ITSN1: variants seen among roughly 807,000 people sequenced by gnomAD.
The protein encoded by ITSN1 is intersectin-1.
In ITSN1, 58 loss-of-function variants were observed where a neutral mutation model predicts 239.8. The ratio of observed to expected loss-of-function variants is 0.24; its 90% CI spans 0.20 to 0.30. The LOEUF is 0.30. Ranked by LOEUF, ITSN1 falls within the 10% of genes least tolerant of loss-of-function variation. The pLI is 1.00. For missense variants in ITSN1, 1,558 were observed against 2,103.3 expected (o/e 0.74, Z 5.07); for synonymous variants, 780 against 770.8 (o/e 1.01, Z -0.20).
At chr21:33,802,550 G>T in intron 20 of ITSN1, 106 bp downstream of exon 20, 1 of 1,182,824 alleles carries the variant, frequency 8.5e-7, no homozygotes, top group Non-Finnish European at 1.2e-6. Context: ...TGTTGTTGCG[G>T]CAGTAAAAAT....
Position 33,882,556 on chromosome 21 carries a change from G to T in ITSN1, c.4554+101G>T. 1.0e-6 allele frequency: 1 copy of T among 968,710 alleles called. No homozygotes were observed. Among genetic ancestry groups the T allele is most frequent in the Non-Finnish European group, 1.5e-6 (1 of 651,310 alleles). 60.0% of individuals were successfully genotyped at this position (968,710 alleles called of 1,614,324 possible). Reference sequence around the variant, plus strand: ...AGTTTTAGCAGGGTCAGGGGCTGTGGCATGCAGGAGAAGGCCAGGAGTTGA... The same window carrying T: ...AGTTTTAGCAGGGTCAGGGGCTGTGTCATGCAGGAGAAGGCCAGGAGTTGA... On this transcript the variant is annotated intron_variant, in intron 35 of 39. Transcript: ENST00000381318. The surrounding 1 kb of genome is among the most constrained non-coding windows in gnomAD (Gnocchi z 4.5).
chr21:33,676,082 T>A (rs1187361583), intron 1 of ITSN1, among the ~76,000 whole-genome samples: 1 of 151,974 alleles, frequency 6.6e-6, no homozygotes, highest in Non-Finnish European at 1.5e-5. Flanking sequence ...TTGCCCAGGC[T>A]GGAGTGCAGT....
At chr21:33,811,359 T>C in intron 21 of ITSN1, 137 bp downstream of exon 21, 1 of 747,988 alleles carries the variant, frequency 1.3e-6, no homozygotes, top group Non-Finnish European at 2.1e-6. Flanking sequence ...TACTCCTTTC[T>C]CTAGCTGGCG....
chr21:33,847,823 C>T (rs780451553), intron 29 of ITSN1, among the ~76,000 whole-genome samples: 15 of 152,182 alleles, frequency 9.9e-5, no homozygotes, highest in African/African-American at 1.7e-4. Flanking sequence ...ACCCGCTTTT[C>T]GCGCCAGGTG....
At chr21:33,701,069 T>G (rs2091990024) in intron 1 of ITSN1, among the ~76,000 whole-genome samples, 1 of 150,598 alleles carries the variant, frequency 6.6e-6, no homozygotes, top group Admixed American at 6.6e-5. Flanking sequence ...ATGCCACCAA[T>G]CCATGTTGCT....
At chr21:33,782,649 T>C (rs2070292580) in intron 16 of ITSN1, among the ~76,000 whole-genome samples, 1 of 152,230 alleles carries the variant, frequency 6.6e-6, no homozygotes, top group Non-Finnish European at 1.5e-5. Flanking sequence ...GCCAAAACTC[T>C]GAGGAAATGT....
intron 16 of ITSN1, among the ~76,000 whole-genome samples, chr21:33,788,841 C>T (rs571548355): frequency 6.6e-5 from 10 of 152,136 alleles, no homozygotes; most frequent in Non-Finnish European, 1.5e-4. Flanking sequence ...TGACATATAT[C>T]TCAGGAGGCT....
intron 1 of ITSN1, among the ~76,000 whole-genome samples, chr21:33,669,513 C>T (rs1225073562): frequency 2.0e-5 from 3 of 150,990 alleles, no homozygotes; most frequent in African/African-American, 7.3e-5. Context: ...GATCTCGGCT[C>T]ACTGCAACCT....
At chr21:33,780,031 C>G (rs577578027) in intron 14 of ITSN1, among the ~76,000 whole-genome samples, 1 of 152,106 alleles carries the variant, frequency 6.6e-6, no homozygotes, top group Non-Finnish European at 1.5e-5. Flanking sequence ...GGGGTTTCAC[C>G]ATGTTGGCCA....
At chr21:33,754,177 A>T (rs1484460260) in intron 7 of ITSN1, 1 of 152,148 alleles carries the variant, frequency 6.6e-6, no homozygotes, top group Non-Finnish European at 1.5e-5. Flanking sequence ...TAGTTAGTTA[A>T]CATGAGAGGG....
intron 1 of ITSN1, among the ~76,000 whole-genome samples, chr21:33,704,899 T>C (rs564708116): frequency 1.5e-4 from 19 of 128,230 alleles, no homozygotes; most frequent in East Asian, 6.8e-4. Context: ...CCATCCTGGC[T>C]AACATGGAGA....
At chr21:33,741,894 C>CAAAA (rs57036929) in intron 5 of ITSN1, among the ~76,000 whole-genome samples, 5 of 74,118 alleles carry the variant, frequency 6.7e-5, no homozygotes, top group South Asian at 6.6e-4. Flanking sequence ...GATTCCGTCT[C>CAAAA]AAAAAAAAAA....
rs1410877412 is a variant in ITSN1 at position 33,865,231 on chromosome 21, C to T, written c.3971C>T (p.Pro1324Leu). 12 of 1,613,570 alleles carry T rather than the reference C, an allele frequency of 7.4e-6. No individual in the cohort carries two copies. Among genetic ancestry groups the T allele is most frequent in the Admixed American group, 3.3e-5 (2 of 59,954 alleles). Reference protein sequence around the residue: ...MIGDILSAQLPHMQPYIRFCS... With the variant: ...MIGDILSAQLLHMQPYIRFCS... Reference sequence around the variant, plus strand: ...GGAGACATCCTGAGCGCACAGCTGCCGCACATGCAGCCCTACATCCGCTTC... The same window carrying T: ...GGAGACATCCTGAGCGCACAGCTGCTGCACATGCAGCCCTACATCCGCTTC... The change falls in exon 32 of 40, where the codon CCG (proline) becomes CTG (leucine). Residue 1324 changes from proline (P) to leucine (L), a missense_variant. Around this residue, in one of 2 missense-constraint regions of ITSN1, gnomAD observed 576 missense variants for 893.3 expected, o/e 0.64. Coordinates refer to ENST00000381318, the MANE Select transcript of ITSN1 (RefSeq NM_003024.3). The surrounding 1 kb of genome is among the most constrained non-coding windows in gnomAD (Gnocchi z 4.4).
At chr21:33,782,579 T>C (rs2070286148) in intron 16 of ITSN1, among the ~76,000 whole-genome samples, 1 of 152,200 alleles carries the variant, frequency 6.6e-6, no homozygotes, top group South Asian at 2.1e-4. Context: ...ATTGCTTTTG[T>C]CTCTTGTGGC....
chr21:33,696,463 A>G lies in ITSN1; in HGVS notation c.-32-22334A>G, dbSNP rs1394121927. 2.6e-5 allele frequency among the ~76,000 whole-genome samples: 4 copies of G among 152,250 alleles called. No homozygotes were observed. In the East Asian group the frequency reaches 7.7e-4, roughly 29 times the overall value. On this transcript the variant is annotated intron_variant, in intron 1 of 39. Transcript: ENST00000381318. ...CACTAAAGCTGTGAAGATGTCATAC[A>G]TGTGAAGTATTCACTGGATTCTCAG...
At chr21:33,651,153 G>A (rs1263145945) in intron 1 of ITSN1, among the ~76,000 whole-genome samples, 1 of 152,236 alleles carries the variant, frequency 6.6e-6, no homozygotes, top group Non-Finnish European at 1.5e-5. Context: ...CTGGAGGCCC[G>A]AGGGCTCTGA....
chr21:33,813,907 C>T lies in ITSN1; in HGVS notation c.2568-6C>T, dbSNP rs1216443766. The T allele has an allele frequency of 6.2e-7, 1 of 1,613,024 alleles. No individual in the cohort carries two copies. The highest frequency in any genetic ancestry group is 1.1e-5 in the South Asian group (1 of 91,006). On this transcript the variant is annotated splice_polypyrimidine_tract_variant and splice_region_variant and intron_variant, in intron 21 of 39. Transcript: ENST00000381318. ...GTTATTCATGGTGTTGTGCTTTTCC[C>T]TCCAGGTGGCCCACCAGCACGAATG...
At chr21:33,859,512 C>T (rs950180097) in intron 31 of ITSN1, among the ~76,000 whole-genome samples, 3 of 152,220 alleles carry the variant, frequency 2.0e-5, no homozygotes, top group Middle Eastern at 3.4e-3. Flanking sequence ...CTTGCTAGAA[C>T]ACAGATTAAG....
chr21:33,768,334 T>G (rs1362294213), intron 11 of ITSN1, among the ~76,000 whole-genome samples: 4 of 152,130 alleles, frequency 2.6e-5, no homozygotes, highest in African/African-American at 9.7e-5. Context: ...CAGGCAGGAG[T>G]GGAGTGGCGC....
Sources: gnomAD v4.1 joint callset for allele counts (sites outside exome capture counted in the v4.1 genomes callset) on GRCh38, gnomAD v4.1.1 for gene constraint, gnomAD v4.1.1 regional missense constraint, Gnocchi (gnomAD v3.1) non-coding constraint, MANE v1.5 for transcripts, NCBI Gene and HGNC (gene_info 2026-07-23, HGNC 2026-07-21) for gene names.